ASAP2: variants seen among roughly 807,000 people sequenced by gnomAD.
The protein encoded by ASAP2 is arf-GAP with SH3 domain, ANK repeat and PH domain-containing protein 2.
A neutral mutation model predicts 131.4 loss-of-function variants in ASAP2; 45 were observed. The observed-to-expected ratio is 0.34, with a 90% CI of 0.27 to 0.44. ASAP2 has a LOEUF of 0.44. ASAP2 is among the 20% of genes least tolerant of loss of function. The pLI, the probability that ASAP2 is intolerant of heterozygous loss-of-function variation, is 1.00. For missense variants in ASAP2, 1,011 were observed against 1,297.0 expected, an observed-to-expected ratio of 0.78 and a Z score of 3.39; for synonymous variants, 510 against 503.0, an observed-to-expected ratio of 1.01 and a Z score of -0.19.
chr2:9,270,784 C>CTTTTTTTTTTTTTTTTTTT (rs1666294703), intron 1 of ASAP2, among the ~76,000 whole-genome samples: 3 of 69,738 alleles, frequency 4.3e-5, no homozygotes, highest in East Asian at 3.3e-4. Flanking sequence ...CAATTGTTTT[C>CTTTTTTTTTTTTTTTTTTT]ATTTTTTTTT....
intron 1 of ASAP2, among the ~76,000 whole-genome samples, chr2:9,235,354 C>T (rs1017599720): frequency 1.3e-5 from 2 of 152,220 alleles, no homozygotes; most frequent in Non-Finnish European, 2.9e-5. Flanking sequence ...GCAGCCTTGC[C>T]TCTCAGGACC....
intron 1 of ASAP2, among the ~76,000 whole-genome samples, chr2:9,270,616 A>C: frequency 6.6e-6 from 1 of 151,490 alleles, no homozygotes; most frequent in African/African-American, 2.4e-5. Flanking sequence ...ATGTACAATA[A>C]ATTATTGTTG....
At chr2:9,278,246 A>G (rs1472771142) in intron 1 of ASAP2, among the ~76,000 whole-genome samples, 2 of 152,112 alleles carry the variant, frequency 1.3e-5, no homozygotes, top group African/African-American at 4.8e-5. Context: ...TAAGTGGGTT[A>G]AAAGGACTTT....
At chr2:9,230,039 G>T (rs1663049454) in intron 1 of ASAP2, among the ~76,000 whole-genome samples, 1 of 152,190 alleles carries the variant, frequency 6.6e-6, no homozygotes, top group Admixed American at 6.5e-5. Context: ...CATGAATTCT[G>T]CAAGAAGAGA....
intron 2 of ASAP2, among the ~76,000 whole-genome samples, chr2:9,294,212 TGG>T (rs1449107244): frequency 9.9e-5 from 15 of 152,096 alleles, no homozygotes; most frequent in African/African-American, 3.4e-4. Flanking sequence ...TTGGCCAGGC[TGG>T]TCTCAAACTC....
intron 1 of ASAP2, chr2:9,271,654 G>A: frequency 2.4e-6 from 2 of 819,998 alleles, no homozygotes; most frequent in Non-Finnish European, 3.7e-6. Flanking sequence ...TTTCTCGGTG[G>A]AAATGGTCTG....
chr2:9,336,548 ATTC>A (rs1671214953), intron 9 of ASAP2, among the ~76,000 whole-genome samples: 1 of 152,170 alleles, frequency 6.6e-6, no homozygotes, highest in South Asian at 2.1e-4. Context: ...CTTCTGAGCC[ATTC>A]TTCCATCACA....
intron 20 of ASAP2, among the ~76,000 whole-genome samples, chr2:9,383,234 G>A (rs1340233655): frequency 6.6e-6 from 1 of 152,020 alleles, no homozygotes; most frequent in African/African-American, 2.4e-5. Flanking sequence ...AATTGGGGAA[G>A]TCACAAGTAT....
At position 9,394,159 on chromosome 2, in the gene ASAP2, C is replaced by CTTT. The variant is rs71389241; in HGVS notation, c.2684+533_2684+535dup. On this transcript the variant is annotated intron_variant, in intron 24 of 27. Transcript: ENST00000281419. ...TGTTGCAGATGGGTCTAGTTTGTGG[C>CTTT]TTTTTTTTTTTTTTTTTTTTTTTGA... Among the ~76,000 whole-genome samples, 363 of 81,770 alleles carry CTTT rather than the reference C, an allele frequency of 4.4e-3. 3 individuals carry two copies. Among genetic ancestry groups the CTTT allele is most frequent in the Non-Finnish European group, 5.5e-3 (244 of 44,094 alleles). The allele number at this position is 81,770 out of a possible 152,430, so 53.6% of individuals were successfully genotyped here.
intron 1 of ASAP2, chr2:9,271,736 C>A (rs752302470): frequency 4.7e-6 from 2 of 423,512 alleles, no homozygotes; most frequent in South Asian, 1.6e-4. Context: ...GCTGAGTCCT[C>A]GGCAGTGGCT....
At chr2:9,226,325 T>C (rs542322934) in intron 1 of ASAP2, among the ~76,000 whole-genome samples, 1 of 152,374 alleles carries the variant, frequency 6.6e-6, no homozygotes, top group African/African-American at 2.4e-5. Context: ...TGTATGGCTG[T>C]GTACCCTTAT....
chr2:9,330,929 C>T (rs971299408), intron 7 of ASAP2, among the ~76,000 whole-genome samples: 1 of 152,246 alleles, frequency 6.6e-6, no homozygotes, highest in Non-Finnish European at 1.5e-5. Context: ...AGTGTGTACG[C>T]TGCCTGCTCT....
In ASAP2 at chr2:9,265,711, TTG is replaced by T. The variant is rs140189620; in HGVS notation, c.127-13590_127-13589del. ...GTATTTTTTTCTTTGCTTTTACAATTTGTGTGTGTGTGTGTGTCTGTGCGTGT... is the reference window on the plus strand; with the variant it reads ...GTATTTTTTTCTTTGCTTTTACAATTTGTGTGTGTGTGTGTCTGTGCGTGT... On this transcript the variant is annotated intron_variant, in intron 1 of 27. Transcript: ENST00000281419. Among the ~76,000 whole-genome samples, 13 of 151,372 alleles carry T rather than the reference TTG, an allele frequency of 8.6e-5. No homozygotes were observed. In the East Asian group the frequency reaches 9.7e-4, roughly 11 times the overall value.
chr2:9,261,379 TAA>T (rs139989241), intron 1 of ASAP2, among the ~76,000 whole-genome samples: 8,748 of 152,232 alleles, frequency 0.057, 648 homozygotes, highest in African/African-American at 0.17. Flanking sequence ...ACAAGTCACT[TAA>T]ACTCTTTGAG....
At chr2:9,309,205 C>T (rs1253860123) in intron 3 of ASAP2, among the ~76,000 whole-genome samples, 2 of 152,164 alleles carry the variant, frequency 1.3e-5, no homozygotes, top group Admixed American at 6.5e-5. Flanking sequence ...GTAGTATCCC[C>T]CAAACTGGAA....
intron 1 of ASAP2, among the ~76,000 whole-genome samples, chr2:9,258,107 A>T (rs1665292133): frequency 6.6e-6 from 1 of 152,138 alleles, no homozygotes; most frequent in South Asian, 2.1e-4. Flanking sequence ...GGATATACGG[A>T]CATACACATT....
chr2:9,278,360 A>G (rs1268370218), intron 1 of ASAP2, among the ~76,000 whole-genome samples: 1 of 152,048 alleles, frequency 6.6e-6, no homozygotes, highest in South Asian at 2.1e-4. Flanking sequence ...TAAAAATGCA[A>G]AAATTAGCTG....
intron 17 of ASAP2, 52 bp from the exon 18 acceptor site, chr2:9,376,856 A>G (rs1245204489): frequency 6.6e-7 from 1 of 1,520,916 alleles, no homozygotes; most frequent in Non-Finnish European, 9.1e-7. Context: ...TGTTGGACAC[A>G]GAATTGAATG....
At chr2:9,376,430 T>C (rs575926831) in intron 17 of ASAP2, among the ~76,000 whole-genome samples, 1 of 152,402 alleles carries the variant, frequency 6.6e-6, no homozygotes, top group East Asian at 1.9e-4. Context: ...CAGTATGAGT[T>C]GGAGACAGTG....
Sources: gnomAD v4.1 joint callset for allele counts (sites outside exome capture counted in the v4.1 genomes callset) on GRCh38, gnomAD v4.1.1 for gene constraint, MANE v1.5 for transcripts, NCBI Gene and HGNC (gene_info 2026-07-23, HGNC 2026-07-21) for gene names.